Variants in ANKRD12 observed in about 807,000 individuals in gnomAD.
ANKRD12 encodes ankyrin repeat domain-containing protein 12.
Under a neutral mutation model 183.4 loss-of-function variants are expected in ANKRD12, and 85 were observed. That is an observed-to-expected ratio of 0.46 (90% confidence interval 0.39 to 0.56). ANKRD12 has a LOEUF of 0.56. ANKRD12 is among the 20% of genes least tolerant of loss of function. The pLI, the probability that ANKRD12 is intolerant of heterozygous loss-of-function variation, is 0.00. For synonymous variants in ANKRD12, 914 were observed against 800.2 expected (o/e 1.14, Z -2.40); for missense variants, 2,405 against 2,357.1 (o/e 1.02, Z -0.42).
chr18:9,257,195 T>C lies in ANKRD12; in HGVS notation c.3928T>C (p.Cys1310Arg), dbSNP rs755499880. Residue 1310 changes from cysteine to arginine, a missense_variant, in exon 9 of 13, where the codon TGT (cysteine) becomes CGT (arginine). Physicochemically the swap from Cys to Arg is radical, Grantham distance 180. This residue lies in a region of ANKRD12 where 1,983 missense variants were observed against 1,725.9 expected (regional missense o/e 1.15). Coordinates refer to ENST00000262126, the MANE Select transcript of ANKRD12 (RefSeq NM_015208.5). Reference sequence around the variant, plus strand: ...GAGACCTACCATAGAAGTTCGAAGATGTAGCATGCCTTCTGTCATTTGTGA... The same window carrying C: ...GAGACCTACCATAGAAGTTCGAAGACGTAGCATGCCTTCTGTCATTTGTGA... ...EGRPTIEVRR[C>R]SMPSVICEHT... The C allele has an allele frequency of 3.1e-6, 5 of 1,614,130 alleles. No homozygotes were observed. The highest frequency in any genetic ancestry group is 4.2e-6 in the Non-Finnish European group (5 of 1,179,990).
At position 9,145,861 on chromosome 18, in the gene ANKRD12, T is replaced by C. The variant is rs896761335; in HGVS notation, c.-52+8896T>C. On this transcript the variant is annotated intron_variant, in intron 1 of 12. Transcript: ENST00000262126. ...AGGTTCTTAAGGGTTTAGACCCCAATTGTAAGCACATATCTGAAGAAGGCA... is the reference window on the plus strand; with the variant it reads ...AGGTTCTTAAGGGTTTAGACCCCAACTGTAAGCACATATCTGAAGAAGGCA... Among the ~76,000 whole-genome samples the C allele has an allele frequency of 2.6e-5, 4 of 152,236 alleles. No individual in the cohort carries two copies. The East Asian group carries it at 5.8e-4, about 22-fold the overall frequency.
At chr18:9,221,550 G>C (rs546301958) in intron 7 of ANKRD12, among the ~76,000 whole-genome samples, 1 of 152,132 alleles carries the variant, frequency 6.6e-6, no homozygotes, top group Admixed American at 6.5e-5. Context: ...GATATTATAG[G>C]TTCTCAATAA....
chr18:9,183,895 C>T (rs1047055371), intron 2 of ANKRD12, among the ~76,000 whole-genome samples: 2 of 151,608 alleles, frequency 1.3e-5, no homozygotes, highest in African/African-American at 4.8e-5. Context: ...TTTTATGTTG[C>T]CATTTTTGGT....
At chr18:9,263,729 GAAT>G in intron 9 of ANKRD12, 58 bp from the exon 10 acceptor site, 1 of 1,262,218 alleles carries the variant, frequency 7.9e-7, no homozygotes, top group Non-Finnish European at 1.1e-6. Flanking sequence ...AATTTTAAAA[GAAT>G]AGCCCATTAT....
At chr18:9,229,215 A>G (rs1035475940) in intron 8 of ANKRD12, among the ~76,000 whole-genome samples, 10 of 151,760 alleles carry the variant, frequency 6.6e-5, no homozygotes, top group African/African-American at 2.4e-4. Context: ...TCCCTGTAAT[A>G]TATTTTGAAG....
intron 1 of ANKRD12, among the ~76,000 whole-genome samples, chr18:9,154,673 G>A (rs961209754): frequency 2.0e-5 from 3 of 152,078 alleles, no homozygotes; most frequent in Non-Finnish European, 4.4e-5. Context: ...GTTTGCAATA[G>A]TCTATTCAAG....
At chr18:9,173,737 C>T (rs1006396246) in intron 1 of ANKRD12, among the ~76,000 whole-genome samples, 2 of 152,120 alleles carry the variant, frequency 1.3e-5, no homozygotes, top group Non-Finnish European at 2.9e-5. Context: ...CAGGGACCTG[C>T]TTAAAGATGC....
chr18:9,158,952 A>G (rs780926367), intron 1 of ANKRD12, among the ~76,000 whole-genome samples: 57 of 152,058 alleles, frequency 3.7e-4, no homozygotes, highest in African/African-American at 9.4e-4. Flanking sequence ...CTGTTTTTCA[A>G]TTTTTTTCTG....
At chr18:9,147,388 G>A (rs2078526591) in intron 1 of ANKRD12, among the ~76,000 whole-genome samples, 2 of 152,024 alleles carry the variant, frequency 1.3e-5, no homozygotes, top group East Asian at 3.8e-4. Context: ...ATAATATGTT[G>A]CAAAGATTGG....
At chr18:9,158,757 C>T (rs1221125953) in intron 1 of ANKRD12, among the ~76,000 whole-genome samples, 1 of 152,182 alleles carries the variant, frequency 6.6e-6, no homozygotes, top group Non-Finnish European at 1.5e-5. Context: ...CACTTACATG[C>T]TCTTCCTCCT....
At chr18:9,194,930 C>A (rs982951988) in intron 2 of ANKRD12, among the ~76,000 whole-genome samples, 35 of 152,108 alleles carry the variant, frequency 2.3e-4, no homozygotes, top group Admixed American at 1.8e-3. Flanking sequence ...ATGGAATTAA[C>A]CTAAATGCGC....
At chr18:9,264,578 A>G (rs1326311344) in intron 10 of ANKRD12, among the ~76,000 whole-genome samples, 1 of 152,212 alleles carries the variant, frequency 6.6e-6, no homozygotes, top group Non-Finnish European at 1.5e-5. Flanking sequence ...TAACAGTCTA[A>G]GAAATTTAGA....
chr18:9,255,462 A>G lies in ANKRD12; in HGVS notation c.2195A>G (p.Asp732Gly). The change falls in exon 9 of 13, where the codon GAT (aspartate) becomes GGT (glycine). Residue 732 changes from aspartate (D) to glycine (G), a missense_variant. Coordinates refer to ENST00000262126, the MANE Select transcript of ANKRD12 (RefSeq NM_015208.5). ...KKSKLEKNIK[D>G]DKSTKEKHVS... is the part of the protein sequence containing the mutation. Reference sequence around the variant, plus strand: ...TCAAAATTGGAAAAAAACATCAAAGATGATAAATCAACCAAGGAAAAGCAT... The same window carrying G: ...TCAAAATTGGAAAAAAACATCAAAGGTGATAAATCAACCAAGGAAAAGCAT... The G allele has an allele frequency of 6.4e-7, 1 of 1,571,938 alleles. No individual in the cohort carries two copies. Among genetic ancestry groups the G allele is most frequent in the Non-Finnish European group, 8.6e-7 (1 of 1,167,820 alleles).
chr18:9,175,291 A>T (rs1443982620), intron 1 of ANKRD12, among the ~76,000 whole-genome samples: 1 of 152,158 alleles, frequency 6.6e-6, no homozygotes, highest in Admixed American at 6.5e-5. Context: ...GCATTCAGAT[A>T]TGCAAATTCT....
chr18:9,245,287 A>C (rs1434207188), intron 8 of ANKRD12, among the ~76,000 whole-genome samples: 3 of 137,080 alleles, frequency 2.2e-5, no homozygotes, highest in South Asian at 2.3e-4. Flanking sequence ...CCATTTCTAC[A>C]AAAAAAAAAA....
At chr18:9,161,953 C>G (rs958191457) in intron 1 of ANKRD12, among the ~76,000 whole-genome samples, 1 of 151,952 alleles carries the variant, frequency 6.6e-6, no homozygotes, top group African/African-American at 2.4e-5. Context: ...GCTTTAAACT[C>G]CTGGGTGCAA....
intron 1 of ANKRD12, among the ~76,000 whole-genome samples, chr18:9,169,732 C>T (rs1039511904): frequency 7.9e-5 from 12 of 152,152 alleles, no homozygotes; most frequent in South Asian, 6.2e-4. Flanking sequence ...AATATTGTTA[C>T]GTATGAATTT....
intron 8 of ANKRD12, chr18:9,235,950 C>CT (rs538115467): frequency 0.014 from 2,415 of 166,664 alleles, no homozygotes; most frequent in South Asian, 0.034. Flanking sequence ...TATTGAGGGA[C>CT]TTTTTTTTTT....
At chr18:9,143,935 C>T (rs541513055) in intron 1 of ANKRD12, among the ~76,000 whole-genome samples, 12 of 152,336 alleles carry the variant, frequency 7.9e-5, no homozygotes, top group African/African-American at 2.9e-4. Context: ...TCTTCCTCTT[C>T]CTTCAGGCAC....
Sources: gnomAD v4.1 joint callset for allele counts (sites outside exome capture counted in the v4.1 genomes callset) on GRCh38, gnomAD v4.1.1 for gene constraint, gnomAD v4.1.1 regional missense constraint, MANE v1.5 for transcripts, NCBI Gene and HGNC (gene_info 2026-07-23, HGNC 2026-07-21) for gene names.